CKAP4: variants seen among roughly 807,000 people sequenced by gnomAD.
The protein encoded by CKAP4 is cytoskeleton associated protein 4, also known as cytoskeleton-associated protein 4.
CKAP4 carries 20 observed loss-of-function variants against 24.4 expected under a neutral mutation model. The observed-to-expected ratio is 0.82, with a 90% CI of 0.58 to 1.19. CKAP4 has a LOEUF of 1.19. Ranked by LOEUF, CKAP4 falls within the 50% of genes most tolerant of loss-of-function variation. The pLI is 0.00. For missense variants in CKAP4, 744 were observed against 765.3 expected, an observed-to-expected ratio of 0.97 and a Z score of 0.33; for synonymous variants, 378 against 351.7, an observed-to-expected ratio of 1.07 and a Z score of -0.84.
At position 106,247,705 on chromosome 12, in the gene CKAP4, C is replaced by T. The variant is rs1479181436; in HGVS notation, c.147G>A (p.Pro49=). Residue 49 remains proline, a synonymous_variant, in exon 1 of 2, where the codon CCG becomes CCA. Coordinates refer to ENST00000378026, the MANE Select transcript of CKAP4 (RefSeq NM_006825.4). The surrounding 1 kb of genome is among the most constrained non-coding windows in gnomAD (Gnocchi z 4.5). ...GCTGCTGCGGGTGCTGCTGCGGGTG[C>T]GGCGCGGGCGGCGGCGGCGGCTGCT... The part of the protein sequence containing the change: ...APQQPPPPPA[P]HPQQHPQQHP... The T allele has an allele frequency of 1.0e-6, 1 of 994,828 alleles. No homozygotes were observed. Among genetic ancestry groups the T allele is most frequent in the Non-Finnish European group, 1.2e-6 (1 of 858,320 alleles). The allele number at this position is 994,828 out of a possible 1,614,324, so 61.6% of individuals were successfully genotyped here. A position where few individuals can be genotyped will look rare whatever the true frequency, so the allele number is the denominator to read the frequency against.
In CKAP4 at chr12:106,247,789, CT is replaced by C; in HGVS notation, c.62del (p.Lys21ArgfsTer156). On this transcript the variant is annotated frameshift_variant, in exon 1 of 2. Transcript: ENST00000378026. The surrounding 1 kb of genome is among the most constrained non-coding windows in gnomAD (Gnocchi z 4.5). ...CCGCGCCGCCCGACGGGTGGGCACC[CT>C]TCTCCGAGGGGCTCGCGGCGCCGTG... is the stretch of plus-strand genomic sequence containing the variant. Reference protein sequence around the residue: ...GGHGAASPSEKGAHPSGGADD... With the variant: ...GGHGAASPSEXGAHPSGGADD... The C allele has an allele frequency of 9.5e-7, 1 of 1,055,214 alleles. No individual in the cohort carries two copies. Among genetic ancestry groups the C allele is most frequent in the Non-Finnish European group, 1.1e-6 (1 of 879,288 alleles). The allele number at this position is 1,055,214 out of a possible 1,614,324, so 65.4% of individuals were successfully genotyped here.
intron 1 of CKAP4, among the ~76,000 whole-genome samples, chr12:106,245,326 T>G (rs909359719): frequency 6.6e-6 from 1 of 152,054 alleles, no homozygotes; most frequent in Non-Finnish European, 1.5e-5. Flanking sequence ...TGTCTTTTGC[T>G]CCTTCATACC....
At chr12:106,243,847 C>T (rs1258629687) in intron 1 of CKAP4, among the ~76,000 whole-genome samples, 1 of 152,238 alleles carries the variant, frequency 6.6e-6, no homozygotes, top group Non-Finnish European at 1.5e-5. Flanking sequence ...GCTGCCCCAT[C>T]TGCAAAATGG....
intron 1 of CKAP4, chr12:106,245,578 C>CT (rs2034001604): frequency 6.7e-6 from 1 of 149,964 alleles, no homozygotes; most frequent in African/African-American, 2.5e-5. Context: ...ATTCCAGTTG[C>CT]TCTGCCAGTC....
In CKAP4 at chr12:106,239,291, G is replaced by C. The variant is rs761920606; in HGVS notation, c.1542C>G (p.Leu514=). ...QKVQEQVHTL[L]SQDQAQAARL... ...GGGCGGCCTGGGCTTGGTCCTGACT[G>C]AGCAGCGTGTGCACCTGCTCCTGCA... The change falls in exon 2 of 2, where the codon CTC becomes CTG. Residue 514 remains leucine (L), a synonymous_variant. Transcript: ENST00000378026. This position sits in a 1 kb window ranked among gnomAD's most constrained non-coding sequence, Gnocchi z 4.9. 1.2e-6 allele frequency: 2 copies of C among 1,612,028 alleles called. No homozygotes were observed. The highest frequency in any genetic ancestry group is 8.5e-7 in the Non-Finnish European group (1 of 1,180,012).
chr12:106,239,266 G>T lies in CKAP4; in HGVS notation c.1567C>A (p.Arg523Ser), dbSNP rs770753330. ...LLSQDQAQAA[R>S]LPPQDFLDRL... Reference sequence around the variant, plus strand: ...TCCAGGAAGTCCTGAGGAGGCAGACGGGCGGCCTGGGCTTGGTCCTGACTG... The same window carrying T: ...TCCAGGAAGTCCTGAGGAGGCAGACTGGCGGCCTGGGCTTGGTCCTGACTG... The change falls in exon 2 of 2, where the codon CGT becomes AGT. Residue 523 changes from arginine (R) to serine (S), a missense_variant. Arg to Ser is a moderately radical substitution (Grantham distance 110). Transcript: ENST00000378026. This position sits in a 1 kb window ranked among gnomAD's most constrained non-coding sequence, Gnocchi z 4.9. The T allele has an allele frequency of 1.2e-6, 2 of 1,613,376 alleles. No homozygotes were observed. Among genetic ancestry groups the T allele is most frequent in the East Asian group, 4.5e-5 (2 of 44,882 alleles).
chr12:106,241,949 T>C (rs1385975691), intron 1 of CKAP4, among the ~76,000 whole-genome samples: 1 of 151,338 alleles, frequency 6.6e-6, no homozygotes, highest in Non-Finnish European at 1.5e-5. Context: ...GAAAAAAGAA[T>C]GGCAAAACAT....
At chr12:106,240,668 CAAA>C (rs34175879) in intron 1 of CKAP4, among the ~76,000 whole-genome samples, 1 of 86,458 alleles carries the variant, frequency 1.2e-5, no homozygotes, top group Non-Finnish European at 2.4e-5. Context: ...TGCTTTGTTG[CAAA>C]AAAAAAAAAA....
In CKAP4 at chr12:106,247,267, G is replaced by A. The variant is rs1241263525; in HGVS notation, c.483+102C>T. ...GCGGCCGGCTCCCGCCTCCGGGCCT[G>A]GGCAGGCAGCGCTAGGGGCCGGTCG... On this transcript the variant is annotated intron_variant, in intron 1 of 1. Coordinates refer to ENST00000378026, the MANE Select transcript of CKAP4 (RefSeq NM_006825.4). The surrounding 1 kb of genome is among the most constrained non-coding windows in gnomAD (Gnocchi z 4.5). 6 of 1,091,230 alleles carry A rather than the reference G, an allele frequency of 5.5e-6. No individual in the cohort carries two copies. Among genetic ancestry groups the A allele is most frequent in the Non-Finnish European group, 7.5e-6 (6 of 798,046 alleles). The allele number at this position is 1,091,230 out of a possible 1,614,324, so 67.6% of individuals were successfully genotyped here.
In CKAP4 at chr12:106,247,044, G is replaced by C. The variant is rs934757273; in HGVS notation, c.483+325C>G. The C allele has an allele frequency of 1.1e-5, 3 of 260,918 alleles. No homozygotes were observed. The highest frequency in any genetic ancestry group is 4.4e-5 in the African/African-American group (2 of 45,198). 16.2% of individuals were successfully genotyped at this position (260,918 alleles called of 1,614,324 possible). On this transcript the variant is annotated intron_variant, in intron 1 of 1. Coordinates refer to ENST00000378026, the MANE Select transcript of CKAP4 (RefSeq NM_006825.4). The surrounding 1 kb of genome is among the most constrained non-coding windows in gnomAD (Gnocchi z 4.5). ...AAGAATGGGCTCCCCGGAGCCTGCC[G>C]GCTTCCTTACAGGTCACCGCTAATG... is the stretch of plus-strand genomic sequence containing the variant.
At position 106,247,585 on chromosome 12, in the gene CKAP4, AGCGGCGGCGGAGGC is replaced by A; in HGVS notation, c.253_266del (p.Ala85CysfsTer84). On this transcript the variant is annotated frameshift_variant, in exon 1 of 2. Coordinates refer to ENST00000378026, the MANE Select transcript of CKAP4 (RefSeq NM_006825.4). The surrounding 1 kb of genome is among the most constrained non-coding windows in gnomAD (Gnocchi z 4.5). Reference sequence around the variant, plus strand: ...CCGAGGACGAGGCGGCGGCGGCGGCAGCGGCGGCGGAGGCGGAGGAGGAGGAGGAGGACTTGCCG... The same window carrying A: ...CCGAGGACGAGGCGGCGGCGGCGGCAGGAGGAGGAGGAGGAGGACTTGCCG... 1 of 1,337,406 alleles carries A rather than the reference AGCGGCGGCGGAGGC, an allele frequency of 7.5e-7. No homozygotes were observed. The highest frequency in any genetic ancestry group is 9.6e-7 in the Non-Finnish European group (1 of 1,037,564). The allele number at this position is 1,337,406 out of a possible 1,614,324, so 82.8% of individuals were successfully genotyped here.
chr12:106,242,382 G>T (rs534466655), intron 1 of CKAP4, among the ~76,000 whole-genome samples: 1 of 152,198 alleles, frequency 6.6e-6, no homozygotes, highest in Non-Finnish European at 1.5e-5. Context: ...ATAAACTGAA[G>T]TGGGATGTGA....
rs561032786 is a variant in CKAP4, at chr12:106,243,999, A to AC, written c.483+3369dup. Among the ~76,000 whole-genome samples the AC allele has an allele frequency of 2.2e-3, 330 of 152,040 alleles. 4 individuals carry two copies. The highest frequency in any genetic ancestry group is 7.5e-3 in the African/African-American group (310 of 41,440). Reference sequence around the variant, plus strand: ...ACTTCCCTGCTATGAACCAAACTCCACCCCCCAACAAGTAACCAAGAGTTA... The same window carrying AC: ...ACTTCCCTGCTATGAACCAAACTCCACCCCCCCAACAAGTAACCAAGAGTTA... On this transcript the variant is annotated intron_variant, in intron 1 of 1. Coordinates refer to ENST00000378026, the MANE Select transcript of CKAP4 (RefSeq NM_006825.4).
Position 106,247,938 on chromosome 12 carries a change from G to C in CKAP4, c.-87C>G. ...GGGAAACTTGCAGGGGCTCCCCCGGGACTGGGCGAGCGGCACGCGGGCGCT... is the reference window on the plus strand; with the variant it reads ...GGGAAACTTGCAGGGGCTCCCCCGGCACTGGGCGAGCGGCACGCGGGCGCT... On this transcript the variant is annotated 5_prime_UTR_variant, in exon 1 of 2. Transcript: ENST00000378026. This position sits in a 1 kb window ranked among gnomAD's most constrained non-coding sequence, Gnocchi z 4.5. 1 of 838,776 alleles carries C rather than the reference G, an allele frequency of 1.2e-6. No individual in the cohort carries two copies. Among genetic ancestry groups the C allele is most frequent in the Non-Finnish European group, 1.4e-6 (1 of 692,000 alleles). The allele number at this position is 838,776 out of a possible 1,614,324, so 52.0% of individuals were successfully genotyped here.
At chr12:106,242,815 G>A (rs1157206253) in intron 1 of CKAP4, among the ~76,000 whole-genome samples, 2 of 152,196 alleles carry the variant, frequency 1.3e-5, no homozygotes, top group Admixed American at 6.5e-5. Flanking sequence ...AGCCTGATGA[G>A]CTGGTCCATG....
In CKAP4 at chr12:106,239,008, T is replaced by A. The variant is rs2033938845; in HGVS notation, c.*16A>T. 1 of 1,606,542 alleles carries A rather than the reference T, an allele frequency of 6.2e-7. No individual in the cohort carries two copies. The highest frequency in any genetic ancestry group is 1.3e-5 in the African/African-American group (1 of 74,896). ...GAAATTGGACTTTAAATCCGCGCCCTGCACACGCAATTCATTTAGACCTTT... is the reference window on the plus strand; with the variant it reads ...GAAATTGGACTTTAAATCCGCGCCCAGCACACGCAATTCATTTAGACCTTT... On this transcript the variant is annotated 3_prime_UTR_variant, in exon 2 of 2. Coordinates refer to ENST00000378026, the MANE Select transcript of CKAP4 (RefSeq NM_006825.4). This position sits in a 1 kb window ranked among gnomAD's most constrained non-coding sequence, Gnocchi z 4.9.
intron 1 of CKAP4, among the ~76,000 whole-genome samples, chr12:106,244,518 A>T (rs1459248435): frequency 6.6e-6 from 1 of 152,270 alleles, no homozygotes; most frequent in African/African-American, 2.4e-5. Context: ...GCAGTGGCTC[A>T]CATCTGTAAT....
rs572619681 is a variant in CKAP4, at chr12:106,247,569, A to AGGCGGC, written c.277_282dup (p.Ala93_Ala94dup). The AGGCGGC allele has an allele frequency of 2.8e-4, 387 of 1,381,260 alleles. 2 individuals are homozygous for AGGCGGC. The highest frequency in any genetic ancestry group is 2.4e-3 in the African/African-American group (158 of 65,390). The allele number at this position is 1,381,260 out of a possible 1,614,324, so 85.6% of individuals were successfully genotyped here. A position where few individuals can be genotyped will look rare whatever the true frequency, so the allele number is the denominator to read the frequency against. On this transcript the variant is annotated inframe_insertion, in exon 1 of 2. Transcript: ENST00000378026. This position sits in a 1 kb window ranked among gnomAD's most constrained non-coding sequence, Gnocchi z 4.5. The stretch of plus-strand genomic sequence containing the variant: ...CTGCGCGAGCAGGACGCCGAGGACG[A>AGGCGGC]GGCGGCGGCGGCGGCAGCGGCGGCG...
rs763594223 is a variant in CKAP4, at chr12:106,240,167, C to T, written c.666G>A (p.Val222=). The stretch of plus-strand genomic sequence containing the variant: ...TGAAGTCCCGCTCCCGGGCGTCCTT[C>T]ACCACATGGATCCCATCCGAGAGGT... The part of the protein sequence containing the change: ...LKDLSDGIHV[V]KDARERDFTS... The change falls in exon 2 of 2, where the codon GTG becomes GTA. Residue 222 remains valine (V), a synonymous_variant. Coordinates refer to ENST00000378026, the MANE Select transcript of CKAP4 (RefSeq NM_006825.4). 7.9e-5 allele frequency: 128 copies of T among 1,614,134 alleles called. No homozygotes were observed. Among genetic ancestry groups the T allele is most frequent in the Admixed American group, 1.0e-4 (6 of 60,010 alleles).
Sources: allele counts gnomAD v4.1 joint callset (sites outside exome capture counted in the v4.1 genomes callset), GRCh38; gene constraint gnomAD v4.1.1; non-coding constraint Gnocchi (gnomAD v3.1); transcripts MANE v1.5; gene names NCBI Gene and HGNC (gene_info 2026-07-23, HGNC 2026-07-21).